The following NPDC1 variants were observed in gnomAD, a reference collection of about 807,000 sequenced individuals.
NPDC1 encodes the protein neural proliferation differentiation and control protein 1.
A neutral mutation model predicts 32.5 loss-of-function variants in NPDC1; 18 were observed. The ratio of observed to expected loss-of-function variants is 0.55; its 90% confidence interval spans 0.38 to 0.82. NPDC1 has a LOEUF of 0.82. NPDC1 is among the 40% of genes least tolerant of loss of function. The pLI is 0.00. For missense variants in NPDC1, 468 were observed against 406.6 expected, an observed-to-expected ratio of 1.15 and a Z score of -1.30; for synonymous variants, 210 against 184.7, an observed-to-expected ratio of 1.14 and a Z score of -1.11.
Position 137,046,126 on chromosome 9 carries a change from AGGAG to A in NPDC1, c.-141_-138del. ...GAAGAGGCGGATGCCAAGGAGGAGG[AGGAG>A]GAAGAGGAAAGGCACGGGCGGCGGC... On this transcript the variant is annotated 5_prime_UTR_variant, in exon 1 of 9. Coordinates refer to ENST00000371601, the MANE Select transcript of NPDC1 (RefSeq NM_015392.4). 9.2e-7 allele frequency: 1 copy of A among 1,091,126 alleles called. No homozygotes were observed. 67.6% of individuals were successfully genotyped at this position (1,091,126 alleles called of 1,614,324 possible).
intron 2 of NPDC1, 68 bp from the exon 3 acceptor site, chr9:137,041,255 C>G (rs557488598): frequency 7.5e-7 from 1 of 1,335,420 alleles, no homozygotes; most frequent in Non-Finnish European, 9.6e-7. Flanking sequence ...CCGGCCTCCC[C>G]GCTTCTGGCA....
At position 137,039,480 on chromosome 9, in the gene NPDC1, A is replaced by T; in HGVS notation, c.*292T>A. 1 of 348,288 alleles carries T rather than the reference A, an allele frequency of 2.9e-6. No individual in the cohort carries two copies. The allele number at this position is 348,288 out of a possible 1,614,324, so 21.6% of individuals were successfully genotyped here. On this transcript the variant is annotated 3_prime_UTR_variant, in exon 9 of 9. Coordinates refer to ENST00000371601, the MANE Select transcript of NPDC1 (RefSeq NM_015392.4). Reference sequence around the variant, plus strand: ...GGCAGAAGCCGCAGGTCTGAAATGGACTTTAATTGGCTTTTGTCTCTAGAA... The same window carrying T: ...GGCAGAAGCCGCAGGTCTGAAATGGTCTTTAATTGGCTTTTGTCTCTAGAA...
Position 137,039,524 on chromosome 9 carries a change from G to A in NPDC1, c.*248C>T, listed in dbSNP as rs187075392. 9.4e-4 allele frequency: 454 copies of A among 485,124 alleles called. 1 individual carries two copies. The Middle Eastern group carries it at 0.015, about 16-fold the overall frequency. 30.1% of individuals were successfully genotyped at this position (485,124 alleles called of 1,614,324 possible). A position where few individuals can be genotyped will look rare whatever the true frequency, so the allele number is the denominator to read the frequency against. ...TCTAGAATTACCCACCCGTTCCTGC[G>A]CTCTACGGTTCTCCATGCCCCCTCC... On this transcript the variant is annotated 3_prime_UTR_variant, in exon 9 of 9. Coordinates refer to ENST00000371601, the MANE Select transcript of NPDC1 (RefSeq NM_015392.4).
At chr9:137,044,622 A>G (rs1171294258) in intron 1 of NPDC1, among the ~76,000 whole-genome samples, 1 of 152,160 alleles carries the variant, frequency 6.6e-6, no homozygotes, top group African/African-American at 2.4e-5. Flanking sequence ...GGGCTGCCTG[A>G]GGGCCCTCCC....
rs745784644 is a variant in NPDC1, at chr9:137,040,955, C to T, written c.415G>A (p.Gly139Arg). Reference sequence around the variant, plus strand: ...GTGGAGGGGAGGCCCAGCTCCAGCCCCTGCCCCCGTGCCGAGAAGCCCAGG... The same window carrying T: ...GTGGAGGGGAGGCCCAGCTCCAGCCTCTGCCCCCGTGCCGAGAAGCCCAGG... ...ATLGFSARGQ[G>R]LELGLPSTPG... Residue 139 changes from glycine to arginine, a missense_variant, in exon 4 of 9, where the codon GGG becomes AGG. Physicochemically the swap from Gly to Arg is moderately radical, Grantham distance 125. Transcript: ENST00000371601. 4.5e-6 allele frequency: 7 copies of T among 1,548,384 alleles called. No homozygotes were observed. The Middle Eastern group carries it at 5.2e-4, about 115-fold the overall frequency.
Position 137,039,954 on chromosome 9 carries a change from C to G in NPDC1, c.885+17G>C, listed in dbSNP as rs769729278. On this transcript the variant is annotated intron_variant, in intron 8 of 8. Coordinates refer to ENST00000371601, the MANE Select transcript of NPDC1 (RefSeq NM_015392.4). ...CCAGGAGATGGTTCGCCCCTCCCTG[C>G]ACCCTGAGGCACTCACCGGGGCCAG... 3 of 778,906 alleles carry G rather than the reference C, an allele frequency of 3.9e-6. No homozygotes were observed. The East Asian group carries it at 7.3e-5, about 19-fold the overall frequency. The allele number at this position is 778,906 out of a possible 1,614,324, so 48.2% of individuals were successfully genotyped here.
chr9:137,044,403 G>A (rs539478864), intron 1 of NPDC1, among the ~76,000 whole-genome samples: 8 of 152,232 alleles, frequency 5.3e-5, no homozygotes, highest in South Asian at 2.1e-4. Flanking sequence ...GGCAGTCCCC[G>A]CTCCTGTGCT....
chr9:137,042,388 G>T (rs1322509516), intron 2 of NPDC1, among the ~76,000 whole-genome samples: 1 of 151,762 alleles, frequency 6.6e-6, no homozygotes, highest in Non-Finnish European at 1.5e-5. Context: ...CGAGTAGCTG[G>T]GACTACAGGC....
chr9:137,045,291 G>A (rs1262172148), intron 1 of NPDC1, among the ~76,000 whole-genome samples: 2 of 152,244 alleles, frequency 1.3e-5, no homozygotes, highest in Admixed American at 6.5e-5. Flanking sequence ...AGGCTCTGAG[G>A]CTGCAACAGT....
chr9:137,043,107 G>C (rs753071913), intron 1 of NPDC1, 34 bp from the exon 2 acceptor site: 1 of 1,606,668 alleles, frequency 6.2e-7, no homozygotes, highest in South Asian at 1.1e-5. Context: ...GCCGGCTCAC[G>C]GCCCCGCAGG....
At position 137,040,839 on chromosome 9, in the gene NPDC1, TC is replaced by T; in HGVS notation, c.530del (p.Gly177GlufsTer11). 1.3e-6 allele frequency: 2 copies of T among 1,595,624 alleles called. No individual in the cohort carries two copies. Among genetic ancestry groups the T allele is most frequent in the Admixed American group, 1.7e-5 (1 of 58,318 alleles). On this transcript the variant is annotated frameshift_variant, in exon 4 of 9. Transcript: ENST00000371601. LOFTEE classifies it high-confidence loss of function. ...CAAGGGCGAGGCCGTCGCCTTGCCC[TC>T]CCCGGGGCTCCAGGGGCGACATGTG... ...PVHMSPLEPRGGQGDGLALVL... is the reference protein window; with the variant it reads ...PVHMSPLEPRXGQGDGLALVL...
chr9:137,045,607 C>T (rs1448105939), intron 1 of NPDC1, among the ~76,000 whole-genome samples: 1 of 152,232 alleles, frequency 6.6e-6, no homozygotes, highest in Non-Finnish European at 1.5e-5. Flanking sequence ...AGACGCGCTC[C>T]CGGCGGAAGA....
chr9:137,041,050 C>A lies in NPDC1; in HGVS notation c.385+12G>T, dbSNP rs369284366. ...GGACAGGGCCGTGGGGCAGGGGAAG[C>A]GGGGGTCTCACCAGGCTCCGGGAGC... is the stretch of plus-strand genomic sequence containing the variant. On this transcript the variant is annotated intron_variant, in intron 3 of 8. Transcript: ENST00000371601. 1 of 1,517,572 alleles carries A rather than the reference C, an allele frequency of 6.6e-7. No individual in the cohort carries two copies. The highest frequency in any genetic ancestry group is 8.8e-7 in the Non-Finnish European group (1 of 1,134,136). 94.0% of individuals were successfully genotyped at this position (1,517,572 alleles called of 1,614,324 possible). A position where few individuals can be genotyped will look rare whatever the true frequency, so the allele number is the denominator to read the frequency against.
rs1283825858 is a variant in NPDC1, at chr9:137,039,486, A to C, written c.*286T>G. On this transcript the variant is annotated 3_prime_UTR_variant, in exon 9 of 9. Coordinates refer to ENST00000371601, the MANE Select transcript of NPDC1 (RefSeq NM_015392.4). ...AGCCGCAGGTCTGAAATGGACTTTA[A>C]TTGGCTTTTGTCTCTAGAATTACCC... The C allele has an allele frequency of 5.5e-6, 2 of 361,494 alleles. No homozygotes were observed. Among genetic ancestry groups the C allele is most frequent in the African/African-American group, 4.2e-5 (2 of 47,280 alleles). 22.4% of individuals were successfully genotyped at this position (361,494 alleles called of 1,614,324 possible).
Position 137,039,619 on chromosome 9 carries a change from G to A in NPDC1, c.*153C>T, listed in dbSNP as rs887116253. 8.5e-6 allele frequency: 5 copies of A among 591,404 alleles called. No homozygotes were observed. Among genetic ancestry groups the A allele is most frequent in the Admixed American group, 3.1e-5 (1 of 32,070 alleles). 36.6% of individuals were successfully genotyped at this position (591,404 alleles called of 1,614,324 possible). A position where few individuals can be genotyped will look rare whatever the true frequency, so the allele number is the denominator to read the frequency against. On this transcript the variant is annotated 3_prime_UTR_variant, in exon 9 of 9. Coordinates refer to ENST00000371601, the MANE Select transcript of NPDC1 (RefSeq NM_015392.4). Reference sequence around the variant, plus strand: ...AGGTGTCCTGGCACAAAGGTTCGGGGGTCTCCCTGGCAAGGGGTCCCAGGG... The same window carrying A: ...AGGTGTCCTGGCACAAAGGTTCGGGAGTCTCCCTGGCAAGGGGTCCCAGGG...
chr9:137,043,579 T>G (rs1832089068), intron 1 of NPDC1: 1 of 575,962 alleles, frequency 1.7e-6, no homozygotes, highest in Non-Finnish European at 3.1e-6. Flanking sequence ...CTGGAAGGGA[T>G]GCTGCTCCTC....
chr9:137,041,928 C>T lies in NPDC1; in HGVS notation c.260-741G>A, dbSNP rs572953671. Among the ~76,000 whole-genome samples, 32 of 152,332 alleles carry T rather than the reference C, an allele frequency of 2.1e-4. No individual in the cohort carries two copies. The East Asian group carries it at 5.8e-3, about 28-fold the overall frequency. The stretch of plus-strand genomic sequence containing the variant: ...GCACCCTTCAACATTTGCCAACAGG[C>T]GGACAGGACAGTGAGTGGTGGAAAA... On this transcript the variant is annotated intron_variant, in intron 2 of 8. Transcript: ENST00000371601.
intron 7 of NPDC1, 93 bp downstream of exon 7, chr9:137,040,264 G>A (rs1244154583): frequency 6.6e-6 from 8 of 1,213,994 alleles, no homozygotes; most frequent in Middle Eastern, 2.7e-4. Context: ...GGCAGGGCCT[G>A]GGGTAAAGTT....
intron 1 of NPDC1, chr9:137,043,275 C>G (rs998285711): frequency 6.9e-6 from 5 of 729,288 alleles, no homozygotes; most frequent in Non-Finnish European, 1.3e-5. Flanking sequence ...CTTATCAGAA[C>G]TACCCTGCCC....
Sources: gnomAD v4.1 joint callset for allele counts (sites outside exome capture counted in the v4.1 genomes callset) on GRCh38, gnomAD v4.1.1 for gene constraint, MANE v1.5 for transcripts, NCBI Gene and HGNC (gene_info 2026-07-23, HGNC 2026-07-21) for gene names.